LPAR3: variants seen among roughly 807,000 people sequenced by gnomAD.
LPAR3 encodes lysophosphatidic acid receptor 3, also known as LPA receptor 3.
In LPAR3, 7 loss-of-function variants were observed where a neutral mutation model predicts 17.8. That is an observed-to-expected ratio of 0.39 (90% CI 0.22 to 0.74). LPAR3 has a LOEUF of 0.74. Among genes scored for constraint, LPAR3 ranks in the 30% least tolerant of loss-of-function variants. LPAR3 has a pLI of 0.40. For missense variants in LPAR3, 391 were observed against 453.4 expected, an observed-to-expected ratio of 0.86 and a Z score of 1.25; for synonymous variants, 179 against 179.9, an observed-to-expected ratio of 0.99 and a Z score of 0.04.
intron 2 of LPAR3, among the ~76,000 whole-genome samples, chr1:84,834,935 G>C (rs2389785): frequency 0.21 from 32,266 of 152,128 alleles, 3,926 homozygotes; most frequent in African/African-American, 0.33. Flanking sequence ...CCGATTTTTA[G>C]AAAAGTCTTT....
chr1:84,878,340 A>G (rs913709458), intron 1 of LPAR3, among the ~76,000 whole-genome samples: 1 of 152,042 alleles, frequency 6.6e-6, no homozygotes, highest in African/African-American at 2.4e-5. Flanking sequence ...CAATCTCCTC[A>G]GTATTCCTGT....
intron 1 of LPAR3, among the ~76,000 whole-genome samples, chr1:84,867,426 G>A (rs553556272): frequency 5.9e-5 from 9 of 152,270 alleles, no homozygotes; most frequent in African/African-American, 2.2e-4. Flanking sequence ...GACAGTAAAA[G>A]CTCAGTAAAA....
At chr1:84,876,979 A>G (rs1660272176) in intron 1 of LPAR3, among the ~76,000 whole-genome samples, 1 of 152,206 alleles carries the variant, frequency 6.6e-6, no homozygotes, top group Admixed American at 6.5e-5. Context: ...TGATCTACCC[A>G]TGGTTTACTG....
In LPAR3 at chr1:84,850,450, G is replaced by A. The variant is rs377239701; in HGVS notation, c.736+14935C>T. ...AAAAAGAAAAAAAATAGCTGGACATGGTGGTGTGCGCCTGTACTCCCATCT... is the reference window on the plus strand; with the variant it reads ...AAAAAGAAAAAAAATAGCTGGACATAGTGGTGTGCGCCTGTACTCCCATCT... On this transcript the variant is annotated intron_variant, in intron 2 of 2. Transcript: ENST00000370611. Among the ~76,000 whole-genome samples, 15 of 151,596 alleles carry A rather than the reference G, an allele frequency of 9.9e-5. No homozygotes were observed. In the East Asian group the frequency reaches 2.3e-3, roughly 24 times the overall value.
chr1:84,880,287 T>G (rs1570906047), intron 1 of LPAR3, among the ~76,000 whole-genome samples: 1 of 152,222 alleles, frequency 6.6e-6, no homozygotes, highest in Non-Finnish European at 1.5e-5. Flanking sequence ...GGCTGCTCCT[T>G]GCAGCTTTTA....
intron 2 of LPAR3, among the ~76,000 whole-genome samples, chr1:84,844,759 T>C (rs577667467): frequency 6.6e-6 from 1 of 152,312 alleles, no homozygotes; most frequent in African/African-American, 2.4e-5. Flanking sequence ...TAAGAACACA[T>C]TTCTGTACAA....
chr1:84,877,936 TA>T (rs1490590036), intron 1 of LPAR3, among the ~76,000 whole-genome samples: 1 of 151,822 alleles, frequency 6.6e-6, no homozygotes, highest in Non-Finnish European at 1.5e-5. Flanking sequence ...TAGTTGGTTA[TA>T]AGGGGATTTG....
At chr1:84,886,800 C>T (rs553406758) in intron 1 of LPAR3, among the ~76,000 whole-genome samples, 2 of 152,042 alleles carry the variant, frequency 1.3e-5, no homozygotes, top group East Asian at 1.9e-4. Flanking sequence ...AAGATGAGTC[C>T]AGATGATCTG....
In LPAR3 at chr1:84,858,464, C is replaced by T. The variant is rs1659871832; in HGVS notation, c.736+6921G>A. Among the ~76,000 whole-genome samples the T allele has an allele frequency of 1.5e-5, 2 of 129,676 alleles. 1 individual carries two copies. The highest frequency in any genetic ancestry group is 5.3e-4 in the South Asian group (2 of 3,804). The allele number at this position is 129,676 out of a possible 152,430, so 85.1% of individuals were successfully genotyped here. A position where few individuals can be genotyped will look rare whatever the true frequency, so the allele number is the denominator to read the frequency against. On this transcript the variant is annotated intron_variant, in intron 2 of 2. Transcript: ENST00000370611. Reference sequence around the variant, plus strand: ...ACACCACTGAAACTCCAGCCTTGGGCGACAGGGCGAGACTGTCTCAAAAAA... The same window carrying T: ...ACACCACTGAAACTCCAGCCTTGGGTGACAGGGCGAGACTGTCTCAAAAAA...
At position 84,866,101 on chromosome 1, in the gene LPAR3, TC is replaced by T; in HGVS notation, c.19del (p.Asp7ThrfsTer25). ...ATTATAAAAAAAGTCCATGTGCTTG[TC>T]ATAGTGACACTCATTCATTGTGGAG... The part of the protein sequence containing the change: MNECHY[D>X]KHMDFFYNRS... On this transcript the variant is annotated frameshift_variant, in exon 2 of 3. Coordinates refer to ENST00000370611, the MANE Select transcript of LPAR3 (RefSeq NM_012152.3). LOFTEE classifies it high-confidence loss of function. 1 of 1,583,960 alleles carries T rather than the reference TC, an allele frequency of 6.3e-7. No homozygotes were observed. Among genetic ancestry groups the T allele is most frequent in the Non-Finnish European group, 8.5e-7 (1 of 1,169,988 alleles).
intron 2 of LPAR3, among the ~76,000 whole-genome samples, chr1:84,827,774 G>C (rs551967489): frequency 6.6e-6 from 1 of 152,276 alleles, no homozygotes; most frequent in African/African-American, 2.4e-5. Flanking sequence ...AAAGCACATT[G>C]AAAGGCTTAG....
chr1:84,833,950 T>A (rs1309567612), intron 2 of LPAR3, among the ~76,000 whole-genome samples: 1 of 152,200 alleles, frequency 6.6e-6, no homozygotes, highest in Non-Finnish European at 1.5e-5. Context: ...CTAAGTGAGA[T>A]GCAGAAACTA....
chr1:84,832,816 T>C (rs1570866879), intron 2 of LPAR3, among the ~76,000 whole-genome samples: 2 of 152,212 alleles, frequency 1.3e-5, no homozygotes, highest in East Asian at 3.8e-4. Flanking sequence ...AGTGTGAGGC[T>C]CTTCTTACAG....
chr1:84,880,785 A>C (rs1660350685), intron 1 of LPAR3, among the ~76,000 whole-genome samples: 1 of 152,182 alleles, frequency 6.6e-6, no homozygotes, highest in African/African-American at 2.4e-5. Context: ...TTCTCCCCCA[A>C]GGAGTACACA....
chr1:84,853,398 G>A (rs1659758342), intron 2 of LPAR3, among the ~76,000 whole-genome samples: 1 of 152,188 alleles, frequency 6.6e-6, no homozygotes. Context: ...AAGATTGGGA[G>A]GTCAGCTGGG....
chr1:84,812,710 G>C lies in LPAR3; in HGVS notation c.*1136C>G, dbSNP rs1378815213. 1 of 152,394 alleles carries C rather than the reference G, an allele frequency of 6.6e-6. No homozygotes were observed. The highest frequency in any genetic ancestry group is 1.5e-5 in the Non-Finnish European group (1 of 68,300). The allele number at this position is 152,394 out of a possible 1,614,324, so 9.4% of individuals were successfully genotyped here. A position where few individuals can be genotyped will look rare whatever the true frequency, so the allele number is the denominator to read the frequency against. On this transcript the variant is annotated 3_prime_UTR_variant, in exon 3 of 3. Coordinates refer to ENST00000370611, the MANE Select transcript of LPAR3 (RefSeq NM_012152.3). ...AGCCTCCCAAAGTGCTGGGATTACA[G>C]GCATGAGCCAGCGTGCCTGACCTCT... is the stretch of plus-strand genomic sequence containing the variant.
chr1:84,821,058 G>A (rs531246274), intron 2 of LPAR3, among the ~76,000 whole-genome samples: 2 of 149,324 alleles, frequency 1.3e-5, no homozygotes, highest in Admixed American at 6.7e-5. Context: ...GATACAAAAT[G>A]TACACTATTT....
chr1:84,813,777 A>G lies in LPAR3; in HGVS notation c.*69T>C. The G allele has an allele frequency of 8.1e-7, 1 of 1,240,350 alleles. No individual in the cohort carries two copies. Among genetic ancestry groups the G allele is most frequent in the Non-Finnish European group, 1.1e-6 (1 of 871,722 alleles). 76.8% of individuals were successfully genotyped at this position (1,240,350 alleles called of 1,614,324 possible). On this transcript the variant is annotated 3_prime_UTR_variant, in exon 3 of 3. Coordinates refer to ENST00000370611, the MANE Select transcript of LPAR3 (RefSeq NM_012152.3). Reference sequence around the variant, plus strand: ...TAACACTGTACATGGGCTTTGTTAGAGACAGGTAATCATTCTTAACAGCTC... The same window carrying G: ...TAACACTGTACATGGGCTTTGTTAGGGACAGGTAATCATTCTTAACAGCTC...
At chr1:84,837,909 G>A (rs1659435684) in intron 2 of LPAR3, among the ~76,000 whole-genome samples, 1 of 152,122 alleles carries the variant, frequency 6.6e-6, no homozygotes. Flanking sequence ...TTCAGAAATG[G>A]TATCCTTAGA....
Sources: gnomAD v4.1 joint callset for allele counts (sites outside exome capture counted in the v4.1 genomes callset) on GRCh38, gnomAD v4.1.1 for gene constraint, MANE v1.5 for transcripts, NCBI Gene and HGNC (gene_info 2026-07-23, HGNC 2026-07-21) for gene names.